ANKRD36B: variants seen among roughly 807,000 people sequenced by gnomAD.
The protein encoded by ANKRD36B is ankyrin repeat domain 36B.
ANKRD36B carries 37 observed loss-of-function variants against 135.7 expected under a neutral mutation model. The ratio of observed to expected loss-of-function variants is 0.27; its 90% CI spans 0.21 to 0.36. The LOEUF (loss-of-function observed/expected upper bound fraction) is 0.36. Ranked by LOEUF, ANKRD36B falls within the 10% of genes least tolerant of loss-of-function variation. The probability of loss-of-function intolerance (pLI) is 1.00; values close to 1 mark genes in which losing one functional copy is unlikely to be tolerated. For synonymous variants in ANKRD36B, 179 were observed against 348.1 expected, an observed-to-expected ratio of 0.51 and a Z score of 5.41; for missense variants, 549 against 1,037.1, an observed-to-expected ratio of 0.53 and a Z score of 6.46.
chr2:97,577,717 T>A lies in ANKRD36B; in HGVS notation c.695+1189A>T, dbSNP rs571867401. Among the ~76,000 whole-genome samples the A allele has an allele frequency of 4.6e-4, 65 of 140,966 alleles. 1 individual carries two copies. The South Asian group carries it at 0.013, about 29-fold the overall frequency. The allele number at this position is 140,966 out of a possible 152,430, so 92.5% of individuals were successfully genotyped here. Reference sequence around the variant, plus strand: ...AAACTTGAGACTCAGATAATTCCAATGAATGGCTTCCTGTGAAATAGAATC... The same window carrying A: ...AAACTTGAGACTCAGATAATTCCAAAGAATGGCTTCCTGTGAAATAGAATC... On this transcript the variant is annotated intron_variant, in intron 5 of 43. Transcript: ENST00000359901.
rs759745766 is a variant in ANKRD36B at position 97,549,479 on chromosome 2, T to C, written c.1417A>G (p.Lys473Glu). Residue 473 changes from lysine (K) to glutamate (E), a missense_variant, in exon 20 of 44, where the codon AAG (lysine) becomes GAG (glutamate). Physicochemically the swap from Lys to Glu is moderately conservative, Grantham distance 56 (BLOSUM62 1). Transcript: ENST00000359901. ...GCTATATTCAAAACAGAATCTTCCT[T>C]GACACTTGTAGCCTGAATGGAATTT... ...KPPALKATSV[K>E]EDSVLNIARE... is the part of the protein sequence containing the mutation. The C allele has an allele frequency of 8.8e-6, 14 of 1,593,564 alleles. No individual in the cohort carries two copies. Among genetic ancestry groups the C allele is most frequent in the Middle Eastern group, 3.4e-4 (2 of 5,890 alleles).
chr2:97,551,043 T>G (rs1367430040), intron 18 of ANKRD36B, among the ~76,000 whole-genome samples: 1 of 151,886 alleles, frequency 6.6e-6, no homozygotes, highest in Non-Finnish European at 1.5e-5. Context: ...CAGAGCCCCT[T>G]ATGTCTTCAA....
At chr2:97,565,401 A>G (rs1313947835) in intron 6 of ANKRD36B, among the ~76,000 whole-genome samples, 3 of 152,134 alleles carry the variant, frequency 2.0e-5, no homozygotes, top group Non-Finnish European at 4.4e-5. Flanking sequence ...TACTATGATC[A>G]GAGTGAACAG....
At chr2:97,575,177 T>C (rs547302724) in intron 6 of ANKRD36B, among the ~76,000 whole-genome samples, 1 of 152,070 alleles carries the variant, frequency 6.6e-6, no homozygotes, top group Non-Finnish European at 1.5e-5. Context: ...TAGCCACTGC[T>C]CATTCTCCTT....
At chr2:97,513,006 A>C (rs1306844327) in intron 38 of ANKRD36B, among the ~76,000 whole-genome samples, 174 bp downstream of exon 38, 1 of 135,524 alleles carries the variant, frequency 7.4e-6, no homozygotes, top group Admixed American at 6.9e-5. Context: ...ACTAAAATAA[A>C]ATATTTCAAG....
chr2:97,554,975 G>C lies in ANKRD36B; in HGVS notation c.1171+85C>G. On this transcript the variant is annotated intron_variant, in intron 14 of 43. Coordinates refer to ENST00000359901, the MANE Select transcript of ANKRD36B (RefSeq NM_001393939.1). Reference sequence around the variant, plus strand: ...CTGAATCAGAATGTGCAGCTTTGATGAGCCCCCCCACTGATTTATTTGGGG... The same window carrying C: ...CTGAATCAGAATGTGCAGCTTTGATCAGCCCCCCCACTGATTTATTTGGGG... 4.7e-6 allele frequency: 7 copies of C among 1,496,330 alleles called. No homozygotes were observed. The Admixed American group carries it at 1.3e-4, about 29-fold the overall frequency. 92.7% of individuals were successfully genotyped at this position (1,496,330 alleles called of 1,614,324 possible).
Position 97,534,432 on chromosome 2 carries a change from T to C in ANKRD36B, c.2191+1868A>G, listed in dbSNP as rs2078758648. 2.1e-5 allele frequency among the ~76,000 whole-genome samples: 2 copies of C among 96,608 alleles called. 1 individual carries two copies. Among genetic ancestry groups the C allele is most frequent in the Non-Finnish European group, 5.5e-5 (2 of 36,338 alleles). 63.4% of individuals were successfully genotyped at this position (96,608 alleles called of 152,430 possible). ...CAAATGAAGAGGAAAGCCTCTTAATTTAGCAGTAGTACCTTACATGTATAA... is the reference window on the plus strand; with the variant it reads ...CAAATGAAGAGGAAAGCCTCTTAATCTAGCAGTAGTACCTTACATGTATAA... On this transcript the variant is annotated intron_variant, in intron 34 of 43. Coordinates refer to ENST00000359901, the MANE Select transcript of ANKRD36B (RefSeq NM_001393939.1).
chr2:97,584,519 A>G (rs1381759715), intron 3 of ANKRD36B, among the ~76,000 whole-genome samples: 3 of 152,056 alleles, frequency 2.0e-5, no homozygotes, highest in Non-Finnish European at 1.5e-5. Flanking sequence ...ACTTGTCAAC[A>G]GCAACAACAT....
chr2:97,573,848 A>C (rs1450507306), intron 6 of ANKRD36B, among the ~76,000 whole-genome samples: 3 of 152,208 alleles, frequency 2.0e-5, no homozygotes, highest in African/African-American at 7.2e-5. Flanking sequence ...TAGAAAGCTG[A>C]AACTGGATCC....
intron 8 of ANKRD36B, among the ~76,000 whole-genome samples, chr2:97,559,274 C>T (rs6708490): frequency 0.045 from 6,850 of 151,776 alleles, 325 homozygotes; most frequent in African/African-American, 0.12. Flanking sequence ...GTGGATATGC[C>T]GAGTGATGAG....
chr2:97,580,997 C>T (rs1337956927), intron 3 of ANKRD36B, among the ~76,000 whole-genome samples: 16 of 104,352 alleles, frequency 1.5e-4, no homozygotes, highest in Admixed American at 3.3e-4. Context: ...ATCTATAGAG[C>T]GGTGTTTCTT....
chr2:97,567,764 G>A (rs939454146), intron 6 of ANKRD36B, among the ~76,000 whole-genome samples: 1 of 152,052 alleles, frequency 6.6e-6, no homozygotes, highest in Non-Finnish European at 1.5e-5. Context: ...TTTGTCAAGT[G>A]CATACACATT....
In ANKRD36B at chr2:97,559,103, T is replaced by C. The variant is rs893330471; in HGVS notation, c.866-109A>G. On this transcript the variant is annotated intron_variant, in intron 8 of 43. Coordinates refer to ENST00000359901, the MANE Select transcript of ANKRD36B (RefSeq NM_001393939.1). ...CTGTATCTTCCTGCCTGTACTAGTG[T>C]AGGCTTTGATGTTTTCTACTTTTTG... The C allele has an allele frequency of 5.8e-4, 833 of 1,428,988 alleles. 1 individual carries two copies. Among genetic ancestry groups the C allele is most frequent in the Non-Finnish European group, 7.1e-4 (765 of 1,073,536 alleles). 88.5% of individuals were successfully genotyped at this position (1,428,988 alleles called of 1,614,324 possible).
Position 97,531,898 on chromosome 2 carries a change from A to G in ANKRD36B, c.2265+413T>C, listed in dbSNP as rs1237931367. Among the ~76,000 whole-genome samples the G allele has an allele frequency of 2.1e-5, 2 of 96,674 alleles. 1 individual carries two copies. The highest frequency in any genetic ancestry group is 5.5e-5 in the Non-Finnish European group (2 of 36,382). 63.4% of individuals were successfully genotyped at this position (96,674 alleles called of 152,430 possible). A position where few individuals can be genotyped will look rare whatever the true frequency, so the allele number is the denominator to read the frequency against. On this transcript the variant is annotated intron_variant, in intron 35 of 43. Coordinates refer to ENST00000359901, the MANE Select transcript of ANKRD36B (RefSeq NM_001393939.1). Reference sequence around the variant, plus strand: ...TAAATTCTTAACCTTGGTATTAGTGACTGGCAATAAAAAAACTGCAAAGTT... The same window carrying G: ...TAAATTCTTAACCTTGGTATTAGTGGCTGGCAATAAAAAAACTGCAAAGTT...
chr2:97,570,475 G>T (rs1445955525), intron 6 of ANKRD36B, among the ~76,000 whole-genome samples: 1 of 152,138 alleles, frequency 6.6e-6, no homozygotes, highest in Non-Finnish European at 1.5e-5. Context: ...TAAACAATGT[G>T]GTTGACTCTG....
rs537026595 is a variant in ANKRD36B at position 97,589,780 on chromosome 2, C to T, written c.-95G>A. 2,614 of 1,588,896 alleles carry T rather than the reference C, an allele frequency of 1.6e-3. 1 individual carries two copies. Among genetic ancestry groups the T allele is most frequent in the Non-Finnish European group, 2.1e-3 (2,417 of 1,162,956 alleles). ...ATTTCAGCTCGCCTTCGGGGATCGC[C>T]GCCTCCGAAGAGCAACAACAGGCAA... On this transcript the variant is annotated 5_prime_UTR_variant, in exon 1 of 44. Transcript: ENST00000359901.
At chr2:97,578,762 CG>C (rs1280161160) in intron 5 of ANKRD36B, 143 bp downstream of exon 5, 1 of 1,065,648 alleles carries the variant, frequency 9.4e-7, no homozygotes, top group Non-Finnish European at 1.3e-6. Context: ...GCACAACTCT[CG>C]AAAACTTAAA....
chr2:97,582,913 T>C (rs1303431341), intron 3 of ANKRD36B, among the ~76,000 whole-genome samples: 2 of 152,118 alleles, frequency 1.3e-5, no homozygotes, highest in African/African-American at 4.8e-5. Context: ...AATTAGTTCA[T>C]AGGACTGCTG....
chr2:97,538,428 T>C, intron 30 of ANKRD36B, 65 bp from the exon 31 acceptor site: 1 of 881,860 alleles, frequency 1.1e-6, no homozygotes. Context: ...CACACATTCA[T>C]GCAGTGTTAG....
Sources: gnomAD v4.1 joint callset for allele counts (sites outside exome capture counted in the v4.1 genomes callset) on GRCh38, gnomAD v4.1.1 for gene constraint, MANE v1.5 for transcripts, NCBI Gene and HGNC (gene_info 2026-07-23, HGNC 2026-07-21) for gene names.